The following SLC25A21 variants were observed in gnomAD, a reference collection of about 807,000 sequenced individuals.
SLC25A21 encodes mitochondrial 2-oxodicarboxylate carrier.
A neutral mutation model predicts 43.8 loss-of-function variants in SLC25A21; 47 were observed. The ratio of observed to expected loss-of-function variants is 1.07; its 90% CI spans 0.85 to 1.37. SLC25A21 has a LOEUF of 1.37. Ranked by LOEUF, SLC25A21 falls within the 40% of genes most tolerant of loss-of-function variation. The probability of loss-of-function intolerance (pLI) is 0.00; values close to 1 mark genes in which losing one functional copy is unlikely to be tolerated. For synonymous variants in SLC25A21, 131 were observed against 121.3 expected (o/e 1.08, Z -0.52); for missense variants, 352 against 350.2 (o/e 1.00, Z -0.04).
intron 6 of SLC25A21, among the ~76,000 whole-genome samples, chr14:36,713,258 T>C (rs140286736): frequency 0.01 from 1,588 of 152,264 alleles, 34 homozygotes; most frequent in African/African-American, 0.036. Flanking sequence ...TATAAAGATG[T>C]TTCTATTGTT....
At position 37,036,054 on chromosome 14, in the gene SLC25A21, G is replaced by A. The variant is rs1175045689; in HGVS notation, c.70+136227C>T. 4.6e-5 allele frequency among the ~76,000 whole-genome samples: 7 copies of A among 152,212 alleles called. No homozygotes were observed. In the South Asian group the frequency reaches 1.2e-3, roughly 27 times the overall value. On this transcript the variant is annotated intron_variant, in intron 1 of 9. Coordinates refer to ENST00000331299, the MANE Select transcript of SLC25A21 (RefSeq NM_030631.4). ...GTTAAGTTTTTAAAAGGAAAATTGAGAATTTTTATGGCTTTTACTCCCACC... is the reference window on the plus strand; with the variant it reads ...GTTAAGTTTTTAAAAGGAAAATTGAAAATTTTTATGGCTTTTACTCCCACC...
intron 7 of SLC25A21, among the ~76,000 whole-genome samples, chr14:36,706,694 A>G (rs1050377103): frequency 6.6e-6 from 1 of 151,980 alleles, no homozygotes; most frequent in Admixed American, 6.6e-5. Context: ...TGAACCCCCT[A>G]CTTTTCTCAA....
At chr14:37,007,351 C>T (rs11845980) in intron 1 of SLC25A21, among the ~76,000 whole-genome samples, 19,457 of 152,112 alleles carry the variant, frequency 0.13, 1,516 homozygotes, top group African/African-American at 0.22. Context: ...GCCTGTAATC[C>T]CAGCACTTTG....
intron 2 of SLC25A21, among the ~76,000 whole-genome samples, chr14:36,819,823 G>A (rs1888568778): frequency 6.6e-6 from 1 of 151,866 alleles, no homozygotes; most frequent in South Asian, 2.1e-4. Context: ...CGTGGTTTTG[G>A]CCATTACTTT....
chr14:36,837,012 G>A (rs1231858720), intron 2 of SLC25A21, among the ~76,000 whole-genome samples: 1 of 152,008 alleles, frequency 6.6e-6, no homozygotes, highest in East Asian at 1.9e-4. Flanking sequence ...AACAAGAGAA[G>A]GAACACAGAC....
intron 3 of SLC25A21, among the ~76,000 whole-genome samples, chr14:36,749,207 C>T (rs928352138): frequency 1.3e-5 from 2 of 152,188 alleles, no homozygotes; most frequent in African/African-American, 4.8e-5. Context: ...CTGAGCCTAC[C>T]CTGGCTCAGG....
At chr14:37,125,250 A>G (rs996509819) in intron 1 of SLC25A21, among the ~76,000 whole-genome samples, 1 of 152,226 alleles carries the variant, frequency 6.6e-6, no homozygotes, top group Admixed American at 6.5e-5. Context: ...ATAAAAGAAC[A>G]AATGGCATCT....
At chr14:36,850,717 G>A (rs1889700692) in intron 2 of SLC25A21, among the ~76,000 whole-genome samples, 1 of 152,130 alleles carries the variant, frequency 6.6e-6, no homozygotes, top group Non-Finnish European at 1.5e-5. Context: ...CTCTTGATCT[G>A]TAGCACAGGG....
At chr14:37,108,701 T>A (rs1391762583) in intron 1 of SLC25A21, among the ~76,000 whole-genome samples, 3 of 90,500 alleles carry the variant, frequency 3.3e-5, no homozygotes, top group Middle Eastern at 4.8e-3. Flanking sequence ...GTGAGTTTTG[T>A]TAAGTGTGTG....
intron 7 of SLC25A21, among the ~76,000 whole-genome samples, chr14:36,689,788 T>A (rs527471806): frequency 6.6e-6 from 1 of 152,190 alleles, no homozygotes; most frequent in Admixed American, 6.5e-5. Flanking sequence ...AGCAATCTAT[T>A]TGAACAAGTC....
intron 1 of SLC25A21, among the ~76,000 whole-genome samples, chr14:37,061,016 C>A (rs1961937021): frequency 6.6e-6 from 1 of 152,148 alleles, no homozygotes; most frequent in Non-Finnish European, 1.5e-5. Context: ...ACAGTTCTCA[C>A]AGGAAGTGAA....
At chr14:37,151,820 A>T (rs534598283) in intron 1 of SLC25A21, among the ~76,000 whole-genome samples, 34 of 152,314 alleles carry the variant, frequency 2.2e-4, no homozygotes, top group African/African-American at 7.9e-4. Context: ...AGATCACTTG[A>T]GGTCAGGAGT....
At chr14:36,877,352 T>TCA (rs1890565575) in intron 1 of SLC25A21, among the ~76,000 whole-genome samples, 1 of 152,360 alleles carries the variant, frequency 6.6e-6, no homozygotes, top group Admixed American at 6.5e-5. Flanking sequence ...CAAAATTGTT[T>TCA]CAGTTTTCTA....
At chr14:37,133,143 G>GCAAA (rs1963418679) in intron 1 of SLC25A21, among the ~76,000 whole-genome samples, 1 of 147,962 alleles carries the variant, frequency 6.8e-6, no homozygotes, top group Admixed American at 6.7e-5. Flanking sequence ...GTGCACTCGT[G>GCAAA]CACACACACA....
intron 1 of SLC25A21, among the ~76,000 whole-genome samples, chr14:37,059,347 C>T (rs866825074): frequency 1.3e-5 from 2 of 152,020 alleles, no homozygotes; most frequent in African/African-American, 2.4e-5. Context: ...AGTGGCAGAG[C>T]GAGAGTATGA....
chr14:37,048,947 C>A (rs1302933720), intron 1 of SLC25A21, among the ~76,000 whole-genome samples: 2 of 152,182 alleles, frequency 1.3e-5, no homozygotes, highest in African/African-American at 4.8e-5. Flanking sequence ...TAGTTATACT[C>A]AACTCTGACT....
intron 2 of SLC25A21, among the ~76,000 whole-genome samples, chr14:36,818,950 T>C (rs1017867634): frequency 5.3e-5 from 8 of 152,186 alleles, no homozygotes; most frequent in Admixed American, 1.3e-4. Context: ...CCACTCTTGA[T>C]TGCATTTAGA....
intron 1 of SLC25A21, among the ~76,000 whole-genome samples, chr14:37,146,658 T>G (rs778155820): frequency 2.0e-5 from 3 of 152,212 alleles, no homozygotes; most frequent in Non-Finnish European, 2.9e-5. Flanking sequence ...TATTCAACAA[T>G]TAGTATTATG....
chr14:36,853,497 G>T (rs1472915439), intron 2 of SLC25A21, among the ~76,000 whole-genome samples: 1 of 152,008 alleles, frequency 6.6e-6, no homozygotes, highest in African/African-American at 2.4e-5. Flanking sequence ...GCAGACCCAG[G>T]ACCAGCTTGA....
Sources: gnomAD v4.1 joint callset for allele counts (sites outside exome capture counted in the v4.1 genomes callset) on GRCh38, gnomAD v4.1.1 for gene constraint, MANE v1.5 for transcripts, NCBI Gene and HGNC (gene_info 2026-07-23, HGNC 2026-07-21) for gene names.